Variants in SPATA17 observed in about 807,000 individuals in gnomAD.
SPATA17 encodes spermatogenesis-associated protein 17.
In SPATA17, 53 loss-of-function variants were observed where a neutral mutation model predicts 62.2. That is an observed-to-expected ratio of 0.85 (90% confidence interval 0.68 to 1.07). The LOEUF (loss-of-function observed/expected upper bound fraction) is 1.07. Ranked by LOEUF, SPATA17 falls within the 50% of genes least tolerant of loss-of-function variation. The probability of loss-of-function intolerance (pLI) is 0.00; values close to 1 mark genes in which losing one functional copy is unlikely to be tolerated. For synonymous variants in SPATA17, 146 were observed against 146.8 expected (o/e 0.99, Z 0.04); for missense variants, 466 against 425.5 (o/e 1.10, Z -0.84).
intron 1 of SPATA17, among the ~76,000 whole-genome samples, chr1:217,634,803 G>T (rs964286931): frequency 6.6e-6 from 1 of 152,236 alleles, no homozygotes; most frequent in African/African-American, 2.4e-5. Context: ...AAGGTTAGAA[G>T]CAAGATGGAG....
intron 4 of SPATA17, among the ~76,000 whole-genome samples, chr1:217,680,709 A>C (rs999078616): frequency 4.7e-5 from 7 of 149,318 alleles, no homozygotes; most frequent in Admixed American, 4.0e-4. Flanking sequence ...AGGATCATTT[A>C]AGGTTAGGAG....
intron 1 of SPATA17, among the ~76,000 whole-genome samples, chr1:217,641,431 A>C (rs1428377674): frequency 2.6e-5 from 4 of 152,110 alleles, no homozygotes; most frequent in African/African-American, 9.7e-5. Flanking sequence ...ATCAACAGAC[A>C]CAGATCCAGA....
chr1:217,733,484 G>A (rs1326366116), intron 5 of SPATA17, among the ~76,000 whole-genome samples: 2 of 152,168 alleles, frequency 1.3e-5, no homozygotes, highest in African/African-American at 4.8e-5. Flanking sequence ...CTAATCAGAA[G>A]TGAGCCCCCT....
chr1:217,814,284 T>C (rs930664000), intron 9 of SPATA17, among the ~76,000 whole-genome samples: 1 of 152,138 alleles, frequency 6.6e-6, no homozygotes, highest in Non-Finnish European at 1.5e-5. Context: ...GTAACTGCAA[T>C]AAAGCTTGAA....
intron 1 of SPATA17, among the ~76,000 whole-genome samples, chr1:217,633,255 T>C (rs966591943): frequency 6.6e-6 from 1 of 151,840 alleles, no homozygotes; most frequent in Non-Finnish European, 1.5e-5. Context: ...TAGAGTAACA[T>C]GGACAGAAAG....
intron 5 of SPATA17, among the ~76,000 whole-genome samples, chr1:217,696,416 C>T (rs111492629): frequency 0.036 from 5,520 of 152,216 alleles, 129 homozygotes; most frequent in Middle Eastern, 0.068. Flanking sequence ...GAGATGAACC[C>T]GGTACCTCAG....
chr1:217,784,897 T>C (rs932142541), intron 8 of SPATA17: 1 of 152,108 alleles, frequency 6.6e-6, no homozygotes, highest in African/African-American at 2.4e-5. Flanking sequence ...TCTAAGTGTA[T>C]TTGTTTGCTA....
intron 1 of SPATA17, among the ~76,000 whole-genome samples, chr1:217,637,887 G>A (rs1404175686): frequency 6.6e-6 from 1 of 152,082 alleles, no homozygotes; most frequent in Non-Finnish European, 1.5e-5. Context: ...AGGCTTAAAT[G>A]TAAACTTTTA....
chr1:217,757,240 G>A (rs1195336080), intron 6 of SPATA17, among the ~76,000 whole-genome samples: 1 of 152,024 alleles, frequency 6.6e-6, no homozygotes, highest in African/African-American at 2.4e-5. Flanking sequence ...CCAGTGGAGA[G>A]AAAAATAAAA....
rs1242394519 is a variant in SPATA17 at position 217,649,198 on chromosome 1, G to C, written c.158+227G>C. Among the ~76,000 whole-genome samples the C allele has an allele frequency of 8.6e-5, 13 of 151,860 alleles. No homozygotes were observed. In the South Asian group the frequency reaches 2.7e-3, roughly 32 times the overall value. On this transcript the variant is annotated intron_variant, in intron 2 of 10. Transcript: ENST00000366933. Reference sequence around the variant, plus strand: ...TTGCTTTTTAAAATTCTCAATATTGGCTGGGCGCAGTGGCTCACTCCTGTA... The same window carrying C: ...TTGCTTTTTAAAATTCTCAATATTGCCTGGGCGCAGTGGCTCACTCCTGTA...
At chr1:217,838,311 AT>A (rs759817082) in intron 9 of SPATA17, among the ~76,000 whole-genome samples, 28 of 151,850 alleles carry the variant, frequency 1.8e-4, no homozygotes, top group Admixed American at 5.3e-4. Context: ...TTAGTCAAGC[AT>A]TTTTCTCTGA....
At chr1:217,835,163 T>C (rs1329871507) in intron 9 of SPATA17, among the ~76,000 whole-genome samples, 2 of 152,156 alleles carry the variant, frequency 1.3e-5, no homozygotes, top group South Asian at 2.1e-4. Context: ...ATCCCTGTTG[T>C]TAAGGACCAT....
At chr1:217,673,623 C>T (rs542444623) in intron 4 of SPATA17, among the ~76,000 whole-genome samples, 2 of 152,246 alleles carry the variant, frequency 1.3e-5, no homozygotes, top group East Asian at 3.9e-4. Context: ...CAAGTCATTT[C>T]TCTCCCTCTG....
chr1:217,652,860 T>TTA (rs1670355980), intron 3 of SPATA17, among the ~76,000 whole-genome samples: 3 of 152,172 alleles, frequency 2.0e-5, no homozygotes, highest in African/African-American at 7.2e-5. Context: ...GTGTGGACCT[T>TTA]GCTTATGTCC....
At chr1:217,707,460 A>G (rs544515292) in intron 5 of SPATA17, among the ~76,000 whole-genome samples, 16 of 152,240 alleles carry the variant, frequency 1.1e-4, no homozygotes, top group Admixed American at 7.8e-4. Flanking sequence ...TTCCAGTACT[A>G]TGTTGAGTAG....
intron 8 of SPATA17, among the ~76,000 whole-genome samples, chr1:217,787,292 C>T (rs563332333): frequency 6.7e-4 from 102 of 152,178 alleles, no homozygotes; most frequent in Middle Eastern, 3.4e-3. Flanking sequence ...TTCGATTATG[C>T]GATTATTATT....
chr1:217,703,103 T>G (rs866033330), intron 5 of SPATA17, among the ~76,000 whole-genome samples: 1 of 151,340 alleles, frequency 6.6e-6, no homozygotes, highest in Non-Finnish European at 1.5e-5. Context: ...CTCAAACTCC[T>G]AAACTCAGTG....
At chr1:217,635,592 T>G (rs566369479) in intron 1 of SPATA17, among the ~76,000 whole-genome samples, 1 of 152,058 alleles carries the variant, frequency 6.6e-6, no homozygotes, top group East Asian at 2.0e-4. Flanking sequence ...TAGTCCCAAC[T>G]ACTCGAGAGG....
At chr1:217,768,016 G>A (rs1468004439) in intron 6 of SPATA17, among the ~76,000 whole-genome samples, 1 of 152,122 alleles carries the variant, frequency 6.6e-6, no homozygotes, top group Non-Finnish European at 1.5e-5. Flanking sequence ...GGAGACTGAG[G>A]CAGGCAGATC....
Sources: gnomAD v4.1 joint callset for allele counts (sites outside exome capture counted in the v4.1 genomes callset) on GRCh38, gnomAD v4.1.1 for gene constraint, MANE v1.5 for transcripts, NCBI Gene and HGNC (gene_info 2026-07-23, HGNC 2026-07-21) for gene names.